PRKCZ: variants seen among roughly 807,000 people sequenced by gnomAD.
The protein encoded by PRKCZ is protein kinase C zeta.
PRKCZ carries 33 observed loss-of-function variants against 79.5 expected under a neutral mutation model. The ratio of observed to expected loss-of-function variants is 0.41; its 90% CI spans 0.31 to 0.55. The LOEUF (loss-of-function observed/expected upper bound fraction) is 0.55. Among genes scored for constraint, PRKCZ ranks in the 20% least tolerant of loss-of-function variants. The pLI is 0.19. For missense variants in PRKCZ, 578 were observed against 813.5 expected, an observed-to-expected ratio of 0.71 and a Z score of 3.52; for synonymous variants, 342 against 320.9, an observed-to-expected ratio of 1.07 and a Z score of -0.70.
At chr1:2,069,734 GT>G (rs1333438418) in intron 4 of PRKCZ, among the ~76,000 whole-genome samples, 1 of 152,172 alleles carries the variant, frequency 6.6e-6, no homozygotes, top group Non-Finnish European at 1.5e-5. Flanking sequence ...GGGGCTTCCT[GT>G]TTCTAGATGG....
chr1:2,159,729 C>T (rs1681837345), intron 10 of PRKCZ, among the ~76,000 whole-genome samples: 1 of 152,198 alleles, frequency 6.6e-6, no homozygotes, highest in African/African-American at 2.4e-5. Context: ...ACAATTCATT[C>T]GCAGTTTTAA....
chr1:2,069,694 C>T (rs905700873), intron 4 of PRKCZ, among the ~76,000 whole-genome samples: 7 of 152,154 alleles, frequency 4.6e-5, no homozygotes, highest in Admixed American at 3.9e-4. Context: ...AGGGACCTCC[C>T]GACACCCTGG....
chr1:2,159,371 T>C (rs1158844309), intron 10 of PRKCZ, among the ~76,000 whole-genome samples: 1 of 152,270 alleles, frequency 6.6e-6, no homozygotes, highest in Non-Finnish European at 1.5e-5. Context: ...ACTTCCTCTT[T>C]GTGCGTTGGT....
intron 10 of PRKCZ, among the ~76,000 whole-genome samples, chr1:2,157,649 G>T (rs545626815): frequency 6.4e-4 from 97 of 150,978 alleles, no homozygotes; most frequent in Non-Finnish European, 1.2e-3. Flanking sequence ...CAAGCCATCT[G>T]CCCTCTGCAG....
chr1:2,080,529 C>G (rs1208784207), intron 4 of PRKCZ, among the ~76,000 whole-genome samples: 1 of 152,188 alleles, frequency 6.6e-6, no homozygotes, highest in Non-Finnish European at 1.5e-5. Context: ...AGTTCTGTCA[C>G]CCCCTCGTTC....
At chr1:2,073,885 C>A (rs1170068904) in intron 4 of PRKCZ, 3 of 1,185,368 alleles carry the variant, frequency 2.5e-6, no homozygotes, top group Non-Finnish European at 3.2e-6. Flanking sequence ...CCGCCGCGCA[C>A]AGAGCATAAA....
Position 2,075,545 on chromosome 1 carries a change from G to C in PRKCZ, c.334+15954G>C, listed in dbSNP as rs1336898958. ...TGTCCCAGCTGCATCAGCCATCAGTGGGGGCCCTTCTCCGACCGTCTTCCT... is the reference window on the plus strand; with the variant it reads ...TGTCCCAGCTGCATCAGCCATCAGTCGGGGCCCTTCTCCGACCGTCTTCCT... On this transcript the variant is annotated intron_variant, in intron 4 of 17. Transcript: ENST00000378567. The surrounding 1 kb of genome is among the most constrained non-coding windows in gnomAD (Gnocchi z 4.8). 6.6e-6 allele frequency among the ~76,000 whole-genome samples: 1 copy of C among 152,176 alleles called. No individual in the cohort carries two copies. The highest frequency in any genetic ancestry group is 2.1e-4 in the South Asian group (1 of 4,832).
chr1:2,125,821 G>A lies in PRKCZ; in HGVS notation c.335-9441G>A, dbSNP rs142820954. Among the ~76,000 whole-genome samples the A allele has an allele frequency of 4.9e-3, 752 of 152,312 alleles. 3 individuals carry two copies. Among genetic ancestry groups the A allele is most frequent in the Middle Eastern group, 0.02 (6 of 294 alleles). On this transcript the variant is annotated intron_variant, in intron 4 of 17. Coordinates refer to ENST00000378567, the MANE Select transcript of PRKCZ (RefSeq NM_002744.6). This position sits in a 1 kb window ranked among gnomAD's most constrained non-coding sequence, Gnocchi z 4.2. ...TTGGGGGCCCACGCATCCTAGCCAC[G>A]GCCTCCTCACGTCCATGCGGGGATT...
intron 4 of PRKCZ, among the ~76,000 whole-genome samples, chr1:2,114,648 C>T (rs1487740891): frequency 6.6e-6 from 1 of 152,110 alleles, no homozygotes; most frequent in African/African-American, 2.4e-5. Context: ...GTGGTGGACA[C>T]CTGTAGTCCC....
At chr1:2,071,959 T>C (rs1018525612) in intron 4 of PRKCZ, among the ~76,000 whole-genome samples, 1 of 152,256 alleles carries the variant, frequency 6.6e-6, no homozygotes, top group African/African-American at 2.4e-5. Flanking sequence ...CTGAATTTTA[T>C]AGACTCTTCC....
At chr1:2,058,442 C>T (rs1034298238) in intron 3 of PRKCZ, among the ~76,000 whole-genome samples, 3 of 151,920 alleles carry the variant, frequency 2.0e-5, no homozygotes, top group East Asian at 1.9e-4. Context: ...TATTCCACTG[C>T]ACTCTAGCCT....
At chr1:2,124,502 T>C (rs954375418) in intron 4 of PRKCZ, among the ~76,000 whole-genome samples, 6 of 152,040 alleles carry the variant, frequency 3.9e-5, no homozygotes, top group African/African-American at 1.5e-4. Context: ...GCTGCGCCTG[T>C]GCTCTCTGCT....
At chr1:2,061,023 T>G (rs941306674) in intron 4 of PRKCZ, among the ~76,000 whole-genome samples, 1 of 152,196 alleles carries the variant, frequency 6.6e-6, no homozygotes, top group Non-Finnish European at 1.5e-5. Context: ...ATACTCCCTG[T>G]GGGTGAGACG....
intron 16 of PRKCZ, among the ~76,000 whole-genome samples, chr1:2,181,571 G>A (rs1483143175): frequency 1.3e-5 from 2 of 152,214 alleles, no homozygotes; most frequent in African/African-American, 4.8e-5. Flanking sequence ...CGTGCCAGCT[G>A]CAGAGATGGG....
In PRKCZ at chr1:2,146,051, C is replaced by G. The variant is rs201228856; in HGVS notation, c.577C>G (p.Pro193Ala). The G allele has an allele frequency of 6.2e-7, 1 of 1,614,048 alleles. No homozygotes were observed. Among genetic ancestry groups the G allele is most frequent in the African/African-American group, 1.3e-5 (1 of 75,058 alleles). ...HMDSVMPSQEPPVDDKNEDAD... is the reference protein window; with the variant it reads ...HMDSVMPSQEAPVDDKNEDAD... ...GGATTCTGTCATGCCTTCCCAAGAG[C>G]CTCCAGTAGACGACAAGAACGAGGA... The change falls in exon 7 of 18, where the codon CCT (proline) becomes GCT (alanine). Residue 193 changes from proline to alanine, a missense_variant. By Grantham distance (27) the Pro-to-Ala change is conservative. Transcript: ENST00000378567.
chr1:2,180,490 CGACGCGGACGCACAGAT>C (rs1557755206), intron 16 of PRKCZ, among the ~76,000 whole-genome samples: 2 of 151,272 alleles, frequency 1.3e-5, no homozygotes, highest in African/African-American at 2.4e-5. Context: ...GACGCACAGA[CGACGCGGACGCACAGAT>C]GACGTGGACG....
chr1:2,126,174 G>A lies in PRKCZ; in HGVS notation c.335-9088G>A, dbSNP rs1401136. Reference sequence around the variant, plus strand: ...CGCCTGCACCAGGCACCAGAGACCCGGATGCCAAGGCCTGTCAGCTTCCTC... The same window carrying A: ...CGCCTGCACCAGGCACCAGAGACCCAGATGCCAAGGCCTGTCAGCTTCCTC... On this transcript the variant is annotated intron_variant, in intron 4 of 17. Coordinates refer to ENST00000378567, the MANE Select transcript of PRKCZ (RefSeq NM_002744.6). Among the ~76,000 whole-genome samples, 1,358 of 152,290 alleles carry A rather than the reference G, an allele frequency of 8.9e-3. 16 individuals carry two copies. Among genetic ancestry groups the A allele is most frequent in the African/African-American group, 0.031 (1,294 of 41,572 alleles).
At chr1:2,095,566 C>T (rs543871862) in intron 4 of PRKCZ, among the ~76,000 whole-genome samples, 5 of 152,054 alleles carry the variant, frequency 3.3e-5, no homozygotes, top group Non-Finnish European at 5.9e-5. Context: ...GGAGGATTCG[C>T]GCTTTGCGTC....
intron 1 of PRKCZ, 50 bp downstream of exon 1, chr1:2,050,751 G>T: frequency 9.6e-7 from 1 of 1,046,738 alleles, no homozygotes; most frequent in South Asian, 4.8e-5. Flanking sequence ...AGGGAGGGCG[G>T]GGAGGGCTCA....
Sources: allele counts gnomAD v4.1 joint callset (sites outside exome capture counted in the v4.1 genomes callset), GRCh38; gene constraint gnomAD v4.1.1; non-coding constraint Gnocchi (gnomAD v3.1); transcripts MANE v1.5; gene names NCBI Gene and HGNC (gene_info 2026-07-23, HGNC 2026-07-21).